The following SDK1 variants were observed in gnomAD, a reference collection of about 807,000 sequenced individuals.
SDK1 encodes protein sidekick-1.
A neutral mutation model predicts 245.5 loss-of-function variants in SDK1; 157 were observed. That is an observed-to-expected ratio of 0.64 (90% CI 0.56 to 0.73). The LOEUF (loss-of-function observed/expected upper bound fraction) is 0.73. Among genes scored for constraint, SDK1 ranks in the 30% least tolerant of loss-of-function variants. SDK1 has a pLI of 0.00. For synonymous variants in SDK1, 1,647 were observed against 1,278.5 expected, an observed-to-expected ratio of 1.29 and a Z score of -6.15; for missense variants, 3,583 against 3,002.3, an observed-to-expected ratio of 1.19 and a Z score of -4.52.
At chr7:3,333,747 G>C (rs1297278924) in intron 1 of SDK1, among the ~76,000 whole-genome samples, 1 of 152,240 alleles carries the variant, frequency 6.6e-6, no homozygotes, top group African/African-American at 2.4e-5. Flanking sequence ...ATCGAGGACA[G>C]ACTCTAATTC....
chr7:3,583,994 A>G (rs1250732493), intron 1 of SDK1, among the ~76,000 whole-genome samples: 1 of 152,180 alleles, frequency 6.6e-6, no homozygotes, highest in Non-Finnish European at 1.5e-5. Context: ...CTCCACCCCA[A>G]GTCCACACCA....
chr7:3,460,694 T>G (rs1310841782), intron 1 of SDK1, among the ~76,000 whole-genome samples: 3 of 152,196 alleles, frequency 2.0e-5, no homozygotes, highest in Non-Finnish European at 4.4e-5. Flanking sequence ...GTGTGTGGTG[T>G]CAAGTGGCTT....
At chr7:3,536,645 G>GA (rs1287760082) in intron 1 of SDK1, among the ~76,000 whole-genome samples, 2 of 151,806 alleles carry the variant, frequency 1.3e-5, no homozygotes, top group African/African-American at 4.8e-5. Context: ...AGTAAGCTGA[G>GA]ATTGTGCCAC....
chr7:3,328,233 T>C lies in SDK1; in HGVS notation c.298+26349T>C, dbSNP rs1165353991. 2.6e-5 allele frequency among the ~76,000 whole-genome samples: 4 copies of C among 152,270 alleles called. No individual in the cohort carries two copies. The East Asian group carries it at 7.7e-4, about 29-fold the overall frequency. Reference sequence around the variant, plus strand: ...AATGATATTTAAAAAATATTTTCACTTTATCCAATCTGATTAGTATATTGT... The same window carrying C: ...AATGATATTTAAAAAATATTTTCACCTTATCCAATCTGATTAGTATATTGT... On this transcript the variant is annotated intron_variant, in intron 1 of 44. Coordinates refer to ENST00000404826, the MANE Select transcript of SDK1 (RefSeq NM_152744.4).
intron 1 of SDK1, among the ~76,000 whole-genome samples, chr7:3,443,870 A>G (rs142718627): frequency 0.014 from 2,109 of 152,360 alleles, 34 homozygotes; most frequent in South Asian, 0.06. Flanking sequence ...GATTATTTCA[A>G]GTTCAGCTAA....
At chr7:4,033,818 G>A (rs1467211566) in intron 17 of SDK1, among the ~76,000 whole-genome samples, 2 of 152,090 alleles carry the variant, frequency 1.3e-5, no homozygotes, top group African/African-American at 4.8e-5. Flanking sequence ...CGGGGGAGGG[G>A]GAAGAGGCAT....
intron 5 of SDK1, among the ~76,000 whole-genome samples, chr7:3,824,259 T>C (rs1006447615): frequency 6.6e-6 from 1 of 152,224 alleles, no homozygotes; most frequent in African/African-American, 2.4e-5. Flanking sequence ...CTTTTTCTTC[T>C]GATGTAGGCT....
In SDK1 at chr7:3,912,005, G is replaced by A. The variant is rs191229058; in HGVS notation, c.848-38918G>A. Among the ~76,000 whole-genome samples the A allele has an allele frequency of 5.4e-3, 820 of 152,282 alleles. 2 individuals carry two copies. Among genetic ancestry groups the A allele is most frequent in the Non-Finnish European group, 9.0e-3 (611 of 68,016 alleles). On this transcript the variant is annotated intron_variant, in intron 5 of 44. Transcript: ENST00000404826. The stretch of plus-strand genomic sequence containing the variant: ...CTAGGGAAGGGGCCAACTTGAGCAA[G>A]AGCTTGTAGGTGCGGGGGCGTGCAG...
chr7:3,312,851 C>G (rs939171350), intron 1 of SDK1, among the ~76,000 whole-genome samples: 1 of 152,094 alleles, frequency 6.6e-6, no homozygotes, highest in Non-Finnish European at 1.5e-5. Context: ...TTTTCATAAT[C>G]AATACAAGTT....
chr7:3,654,326 A>T (rs1458245260), intron 4 of SDK1, among the ~76,000 whole-genome samples: 1 of 152,200 alleles, frequency 6.6e-6, no homozygotes, highest in African/African-American at 2.4e-5. Context: ...GAGTAAGAAG[A>T]TGGAAAGCGC....
At chr7:3,876,869 C>T (rs975856384) in intron 5 of SDK1, among the ~76,000 whole-genome samples, 16 of 151,962 alleles carry the variant, frequency 1.1e-4, no homozygotes, top group South Asian at 4.1e-4. Context: ...ACACAGGGGC[C>T]CCAAAATAAT....
rs1380886517 is a variant in SDK1, at chr7:3,508,207, G to A, written c.299-110873G>A. ...CTGAATATTTTTTTTTCTGGTTTCAGATTCATGTGGACAGTTGGCTGTTGA... is the reference window on the plus strand; with the variant it reads ...CTGAATATTTTTTTTTCTGGTTTCAAATTCATGTGGACAGTTGGCTGTTGA... On this transcript the variant is annotated intron_variant, in intron 1 of 44. Coordinates refer to ENST00000404826, the MANE Select transcript of SDK1 (RefSeq NM_152744.4). Among the ~76,000 whole-genome samples, 3 of 151,780 alleles carry A rather than the reference G, an allele frequency of 2.0e-5. No individual in the cohort carries two copies. In the East Asian group the frequency reaches 5.8e-4, roughly 29 times the overall value.
chr7:3,703,043 A>G (rs1277419621), intron 4 of SDK1, among the ~76,000 whole-genome samples: 2 of 149,308 alleles, frequency 1.3e-5, no homozygotes, highest in African/African-American at 2.5e-5. Context: ...TTAAAAAGTA[A>G]ATGCGAGACT....
chr7:3,786,505 G>A (rs1190222338), intron 4 of SDK1, among the ~76,000 whole-genome samples: 3 of 152,168 alleles, frequency 2.0e-5, no homozygotes, highest in African/African-American at 7.2e-5. Flanking sequence ...GAGAGAGAAG[G>A]TTATAGTTAA....
chr7:3,975,680 C>T (rs1431857137), intron 13 of SDK1, among the ~76,000 whole-genome samples: 2 of 152,254 alleles, frequency 1.3e-5, no homozygotes, highest in Non-Finnish European at 2.9e-5. Context: ...ATAAAAGGTT[C>T]ACGATGTGTA....
At chr7:3,390,219 G>T (rs1051357775) in intron 1 of SDK1, among the ~76,000 whole-genome samples, 1 of 152,240 alleles carries the variant, frequency 6.6e-6, no homozygotes, top group Non-Finnish European at 1.5e-5. Flanking sequence ...GAGGGTTCCA[G>T]GGTGCCCTTT....
intron 20 of SDK1, 131 bp from the exon 21 acceptor site, chr7:4,076,867 G>C: frequency 1.4e-6 from 1 of 716,466 alleles, no homozygotes; most frequent in Non-Finnish European, 2.3e-6. Flanking sequence ...TAGCACAGTG[G>C]CTCTAAGCTG....
At chr7:3,307,682 A>G (rs1007239869) in intron 1 of SDK1, among the ~76,000 whole-genome samples, 14 of 152,218 alleles carry the variant, frequency 9.2e-5, no homozygotes, top group African/African-American at 2.9e-4. Context: ...CAGTTTTTAT[A>G]AAGCTTTCCT....
intron 1 of SDK1, among the ~76,000 whole-genome samples, chr7:3,364,691 C>G (rs946826768): frequency 2.0e-5 from 3 of 152,086 alleles, no homozygotes; most frequent in African/African-American, 7.2e-5. Flanking sequence ...ATATAATAAG[C>G]TTTGAAATCA....
Sources: gnomAD v4.1 joint callset for allele counts (sites outside exome capture counted in the v4.1 genomes callset) on GRCh38, gnomAD v4.1.1 for gene constraint, MANE v1.5 for transcripts, NCBI Gene and HGNC (gene_info 2026-07-23, HGNC 2026-07-21) for gene names.